FNIP2: variants seen among roughly 807,000 people sequenced by gnomAD.
The protein encoded by FNIP2 is folliculin-interacting protein 2.
Under a neutral mutation model 108.7 loss-of-function variants are expected in FNIP2, and 32 were observed. That is an observed-to-expected ratio of 0.29 (90% CI 0.22 to 0.40). The LOEUF is 0.40. FNIP2 is among the 10% of genes least tolerant of loss of function. The probability of loss-of-function intolerance (pLI) is 1.00; values close to 1 mark genes in which losing one functional copy is unlikely to be tolerated. For synonymous variants in FNIP2, 480 were observed against 496.7 expected, an observed-to-expected ratio of 0.97 and a Z score of 0.45; for missense variants, 1,202 against 1,381.6, an observed-to-expected ratio of 0.87 and a Z score of 2.06.
Position 158,869,355 on chromosome 4 carries a change from T to G in FNIP2, c.2719T>G (p.Ser907Ala). The G allele has an allele frequency of 6.2e-7, 1 of 1,612,696 alleles. No individual in the cohort carries two copies. Among genetic ancestry groups the G allele is most frequent in the Non-Finnish European group, 8.5e-7 (1 of 1,179,408 alleles). The change falls in exon 13 of 17, where the codon TCA becomes GCA. Residue 907 changes from serine to alanine, a missense_variant. Ser to Ala is a moderately conservative substitution (Grantham distance 99). Around this residue, in one of 5 missense-constraint regions of FNIP2, gnomAD observed 878 missense variants for 990.3 expected, o/e 0.89. Coordinates refer to ENST00000264433, the MANE Select transcript of FNIP2 (RefSeq NM_020840.3). ...AGACAGTGACGACGAAGCCTGCGCT[T>G]CAGCCATGCTAGATCTGGGTCACGG... ...LGDSDDEACA[S>A]AMLDLGHGGD...
chr4:158,861,452 A>T lies in FNIP2; in HGVS notation c.1259A>T (p.Glu420Val). The change falls in exon 11 of 17, where the codon GAG becomes GTG. Residue 420 changes from glutamate to valine, a missense_variant. By Grantham distance (121) the Glu-to-Val change is moderately radical. Around this residue, in one of 5 missense-constraint regions of FNIP2, gnomAD observed 878 missense variants for 990.3 expected, o/e 0.89. Transcript: ENST00000264433. ...KNQLCQRFLK[E>V]FTLLIEQINK... ...CAGCTCTGCCAGCGCTTTCTCAAGG[A>T]GTTTACACTTCTGATAGAACAGATA... The T allele has an allele frequency of 6.2e-7, 1 of 1,614,034 alleles. No individual in the cohort carries two copies. Among genetic ancestry groups the T allele is most frequent in the African/African-American group, 1.3e-5 (1 of 75,060 alleles).
intron 14 of FNIP2, among the ~76,000 whole-genome samples, chr4:158,876,972 CAT>C (rs1261863579): frequency 1.3e-5 from 2 of 152,116 alleles, no homozygotes; most frequent in African/African-American, 2.4e-5. Flanking sequence ...GAGTTAGACA[CAT>C]GTCTAATTTT....
rs1455749549 is a variant in FNIP2, at chr4:158,905,804, A to C, written c.*1260A>C. The C allele has an allele frequency of 6.6e-6, 1 of 152,204 alleles. No homozygotes were observed. The highest frequency in any genetic ancestry group is 1.9e-4 in the East Asian group (1 of 5,202). 9.4% of individuals were successfully genotyped at this position (152,204 alleles called of 1,614,324 possible). ...ATCCAGGGTAAAGTAAAAGACTTTTAAATATTGGTCATTAAAGGACAGGAG... is the reference window on the plus strand; with the variant it reads ...ATCCAGGGTAAAGTAAAAGACTTTTCAATATTGGTCATTAAAGGACAGGAG... On this transcript the variant is annotated 3_prime_UTR_variant, in exon 17 of 17. Transcript: ENST00000264433.
chr4:158,823,050 T>A (rs1777969931), intron 1 of FNIP2, among the ~76,000 whole-genome samples: 1 of 152,214 alleles, frequency 6.6e-6, no homozygotes, highest in Admixed American at 6.5e-5. Flanking sequence ...GTTTTCAGTT[T>A]GATATTTGAA....
chr4:158,771,338 C>T (rs1775692264), intron 1 of FNIP2, among the ~76,000 whole-genome samples: 1 of 152,204 alleles, frequency 6.6e-6, no homozygotes, highest in Admixed American at 6.5e-5. Flanking sequence ...AAGGAGACCC[C>T]AAGCAAGTCT....
chr4:158,831,988 G>A, intron 4 of FNIP2, 27 bp downstream of exon 4: 1 of 1,601,092 alleles, frequency 6.2e-7, no homozygotes, highest in Non-Finnish European at 8.6e-7. Context: ...TTTTCTACTA[G>A]TTTTGAGAAG....
intron 12 of FNIP2, among the ~76,000 whole-genome samples, chr4:158,865,632 G>C (rs1184025020): frequency 3.3e-5 from 5 of 152,114 alleles, no homozygotes; most frequent in African/African-American, 9.7e-5. Flanking sequence ...GATAAGTAAT[G>C]CTTCTTCTTT....
chr4:158,829,147 T>TAGC lies in FNIP2; in HGVS notation c.314_316dup (p.Ser105dup). The stretch of plus-strand genomic sequence containing the variant: ...AGGGAAGCAGCAGTGTCAGCAGCAG[T>TAGC]AGCAGCAGCAGCATCTCTTCCCACA... On this transcript the variant is annotated inframe_insertion, in exon 3 of 17. Transcript: ENST00000264433. The TAGC allele has an allele frequency of 3.7e-6, 6 of 1,612,948 alleles. No individual in the cohort carries two copies. Among genetic ancestry groups the TAGC allele is most frequent in the Non-Finnish European group, 5.1e-6 (6 of 1,179,362 alleles).
intron 1 of FNIP2, among the ~76,000 whole-genome samples, chr4:158,781,345 C>T (rs1479582746): frequency 6.6e-6 from 1 of 152,168 alleles, no homozygotes; most frequent in Non-Finnish European, 1.5e-5. Context: ...TCTGTGAAAT[C>T]AGAGTGTTCT....
At chr4:158,810,515 A>T (rs1324747338) in intron 1 of FNIP2, among the ~76,000 whole-genome samples, 1 of 152,192 alleles carries the variant, frequency 6.6e-6, no homozygotes, top group African/African-American at 2.4e-5. Flanking sequence ...TTGAGATATA[A>T]TTCCAGACTG....
At chr4:158,875,541 TGC>T (rs1781234113) in intron 14 of FNIP2, among the ~76,000 whole-genome samples, 1 of 141,442 alleles carries the variant, frequency 7.1e-6, no homozygotes, top group African/African-American at 2.9e-5. Context: ...TATATATATA[TGC>T]TCATGAATAC....
At chr4:158,859,301 G>T in intron 9 of FNIP2, 43 bp downstream of exon 9, 1 of 1,545,242 alleles carries the variant, frequency 6.5e-7, no homozygotes, top group African/African-American at 1.4e-5. Flanking sequence ...AAGTGATTGT[G>T]GGGCTTTGAA....
intron 1 of FNIP2, among the ~76,000 whole-genome samples, chr4:158,823,039 T>A (rs570088600): frequency 2.0e-5 from 3 of 152,246 alleles, no homozygotes; most frequent in Non-Finnish European, 4.4e-5. Flanking sequence ...CTAAAGTAGC[T>A]GTTTTCAGTT....
chr4:158,854,816 G>C (rs1052782814), intron 8 of FNIP2, among the ~76,000 whole-genome samples: 1 of 152,184 alleles, frequency 6.6e-6, no homozygotes, highest in Non-Finnish European at 1.5e-5. Context: ...TGACCTCTCT[G>C]TATGGCATTC....
chr4:158,906,475 C>T lies in FNIP2; in HGVS notation c.*1931C>T, dbSNP rs1308526681. On this transcript the variant is annotated 3_prime_UTR_variant, in exon 17 of 17. Coordinates refer to ENST00000264433, the MANE Select transcript of FNIP2 (RefSeq NM_020840.3). ...ATAGTGGCATGTTCATAATTAGACC[C>T]ATATAGGGGACACTGAGCTTTAAAT... 2 of 152,090 alleles carry T rather than the reference C, an allele frequency of 1.3e-5. No individual in the cohort carries two copies. The highest frequency in any genetic ancestry group is 4.8e-5 in the African/African-American group (2 of 41,410). 9.4% of individuals were successfully genotyped at this position (152,090 alleles called of 1,614,324 possible). A position where few individuals can be genotyped will look rare whatever the true frequency, so the allele number is the denominator to read the frequency against.
At chr4:158,816,907 A>G (rs1464001691) in intron 1 of FNIP2, among the ~76,000 whole-genome samples, 1 of 151,886 alleles carries the variant, frequency 6.6e-6, no homozygotes, top group Non-Finnish European at 1.5e-5. Context: ...TCTAGTTTAT[A>G]GATATCAGAA....
intron 1 of FNIP2, among the ~76,000 whole-genome samples, chr4:158,781,212 T>C (rs1578816317): frequency 6.6e-6 from 1 of 152,092 alleles, no homozygotes; most frequent in Admixed American, 6.5e-5. Context: ...GAGGGAGGGC[T>C]CTTTAATCTG....
chr4:158,884,220 C>CT (rs1157867585), intron 14 of FNIP2, among the ~76,000 whole-genome samples: 3 of 152,110 alleles, frequency 2.0e-5, no homozygotes, highest in Non-Finnish European at 4.4e-5. Flanking sequence ...GCACAGATTA[C>CT]TTAATAGGAA....
rs566511817 is a variant in FNIP2 at position 158,771,212 on chromosome 4, G to A, written c.107+1893G>A. ...CAGTTGAACATCCTACTTGATGAGG[G>A]CCCCCTTCAATAGTGTCCCTGATAG... On this transcript the variant is annotated intron_variant, in intron 1 of 16. Transcript: ENST00000264433. Among the ~76,000 whole-genome samples, 63 of 152,244 alleles carry A rather than the reference G, an allele frequency of 4.1e-4. 1 individual carries two copies. Among genetic ancestry groups the A allele is most frequent in the African/African-American group, 1.4e-3 (60 of 41,536 alleles).
Sources: allele counts gnomAD v4.1 joint callset (sites outside exome capture counted in the v4.1 genomes callset), GRCh38; gene constraint gnomAD v4.1.1; regional missense constraint gnomAD v4.1.1; transcripts MANE v1.5; gene names NCBI Gene and HGNC (gene_info 2026-07-23, HGNC 2026-07-21).